MRPL37: variants seen among roughly 807,000 people sequenced by gnomAD.
MRPL37 encodes mitochondrial ribosomal protein L37.
MRPL37 carries 34 observed loss-of-function variants against 44.1 expected under a neutral mutation model. The ratio of observed to expected loss-of-function variants is 0.77; its 90% CI spans 0.59 to 1.03. MRPL37 has a LOEUF of 1.03. Ranked by LOEUF, MRPL37 falls within the 50% of genes least tolerant of loss-of-function variation. The pLI, the probability that MRPL37 is intolerant of heterozygous loss-of-function variation, is 0.00. For missense variants in MRPL37, 532 were observed against 543.7 expected, an observed-to-expected ratio of 0.98 and a Z score of 0.21; for synonymous variants, 212 against 219.5, an observed-to-expected ratio of 0.97 and a Z score of 0.30.
At chr1:54,224,784 T>C (rs1644263389), downstream of MRPL37, among the ~76,000 whole-genome samples, 1 of 152,192 alleles carries the variant, frequency 6.6e-6, no homozygotes, top group African/African-American at 2.4e-5. Context: ...TCAGCATTTC[T>C]TGCCTAAATG....
At chr1:54,213,557 A>G (rs1644178591) in intron 5 of MRPL37, among the ~76,000 whole-genome samples, 1 of 151,694 alleles carries the variant, frequency 6.6e-6, no homozygotes, top group Admixed American at 6.6e-5. Flanking sequence ...TAGGGTTTTT[A>G]TTAAAAAAAA....
rs142672756 is a variant in MRPL37, at chr1:54,200,393, C to T, written c.150C>T (p.Tyr50=). The T allele has an allele frequency of 1.6e-5, 26 of 1,614,178 alleles. No individual in the cohort carries two copies. In the African/African-American group the frequency reaches 3.3e-4, roughly 21 times the overall value. The change falls in exon 1 of 7, where the codon TAC becomes TAT. Residue 50 remains tyrosine, a synonymous_variant. Transcript: ENST00000360840. ...KSEPPPLDRV[Y]EIPGLEPITF... is the part of the protein sequence containing the mutation. ...AGCCTCCTCCCCTGGATAGGGTGTA[C>T]GAGATCCCTGGACTGGAGCCCATCA...
downstream of MRPL37, among the ~76,000 whole-genome samples, chr1:54,222,795 A>T (rs556746635): frequency 3.9e-5 from 6 of 152,316 alleles, no homozygotes; most frequent in African/African-American, 1.4e-4. Flanking sequence ...CTGGATATCA[A>T]ATCAGCATCT....
rs1312583159 is a variant in MRPL37 at position 54,205,379 on chromosome 1, A to C, written c.615A>C (p.Gln205His). Residue 205 changes from glutamine to histidine, a missense_variant, in exon 3 of 7, where the codon CAA becomes CAC. By Grantham distance (24) the Gln-to-His change is conservative. Coordinates refer to ENST00000360840, the MANE Select transcript of MRPL37 (RefSeq NM_016491.4). ...CTCTGGCCAGGAGGATCTGTGTCCA[A>C]AACTCCACGTTTTCTGCTACCTGGA... The part of the protein sequence containing the change: ...HPSLARRICV[Q>H]NSTFSATWNR... 2.5e-6 allele frequency: 4 copies of C among 1,614,106 alleles called. No homozygotes were observed. Among genetic ancestry groups the C allele is most frequent in the Admixed American group, 1.7e-5 (1 of 60,002 alleles).
chr1:54,218,328 T>A lies in MRPL37; in HGVS notation c.*79T>A. The A allele has an allele frequency of 6.2e-7, 1 of 1,608,912 alleles. No homozygotes were observed. ...GGGCCTGGGCCCCGTGGAGCCTCAG[T>A]GCCCGTTTGGCCTGCTGCTCTCGCT... is the stretch of plus-strand genomic sequence containing the variant. On this transcript the variant is annotated 3_prime_UTR_variant, in exon 7 of 7. Coordinates refer to ENST00000360840, the MANE Select transcript of MRPL37 (RefSeq NM_016491.4).
intron 3 of MRPL37, among the ~76,000 whole-genome samples, chr1:54,208,895 G>C (rs1201850152): frequency 6.6e-6 from 1 of 152,128 alleles, no homozygotes; most frequent in Non-Finnish European, 1.5e-5. Context: ...CTAGTAAGTA[G>C]AAGCCAGGAT....
rs769918648 is a variant in MRPL37 at position 54,208,406 on chromosome 1, G to T, written c.647-1540G>T. Among the ~76,000 whole-genome samples, 5 of 151,918 alleles carry T rather than the reference G, an allele frequency of 3.3e-5. No homozygotes were observed. The South Asian group carries it at 8.3e-4, about 25-fold the overall frequency. On this transcript the variant is annotated intron_variant, in intron 3 of 6. Transcript: ENST00000360840. ...AAATACAAAAACAAAAAAATTAGCC[G>T]GGCATGGTGATGGGCACCCATAGTC...
At chr1:54,201,346 T>G (rs1644081283) in intron 1 of MRPL37, among the ~76,000 whole-genome samples, 1 of 152,204 alleles carries the variant, frequency 6.6e-6, no homozygotes, top group African/African-American at 2.4e-5. Context: ...TGAGAAAACT[T>G]AAGTCAATTG....
intron 1 of MRPL37, among the ~76,000 whole-genome samples, chr1:54,202,959 TG>T (rs1390289356): frequency 3.3e-5 from 5 of 152,202 alleles, no homozygotes; most frequent in Non-Finnish European, 1.5e-5. Context: ...AGGACTGGTG[TG>T]TTTACTTGAT....
At chr1:54,212,822 A>T (rs1450615897) in intron 5 of MRPL37, among the ~76,000 whole-genome samples, 164 bp downstream of exon 5, 3 of 152,182 alleles carry the variant, frequency 2.0e-5, no homozygotes, top group Non-Finnish European at 4.4e-5. Context: ...AGCCAACATC[A>T]CTAGGGGGTG....
chr1:54,216,807 C>T (rs1173779400), intron 6 of MRPL37, among the ~76,000 whole-genome samples: 3 of 152,208 alleles, frequency 2.0e-5, no homozygotes, highest in Non-Finnish European at 4.4e-5. Flanking sequence ...CCCTGGCCTC[C>T]GTATTCCCCC....
At position 54,216,296 on chromosome 1, in the gene MRPL37, C is replaced by A. The variant is rs370718805; in HGVS notation, c.1146C>A (p.Leu382=). ...NLAWVDSDQL[L]YQHFWCLPVI... is the part of the protein sequence containing the mutation. ...CCTGGGTGGACTCAGACCAGCTCCT[C>A]TATCAGCATTTTTGGTGTCTCCCAG... The change falls in exon 6 of 7, where the codon CTC becomes CTA. Residue 382 remains leucine, a synonymous_variant. Coordinates refer to ENST00000360840, the MANE Select transcript of MRPL37 (RefSeq NM_016491.4). 35 of 1,614,078 alleles carry A rather than the reference C, an allele frequency of 2.2e-5. No homozygotes were observed. Among genetic ancestry groups the A allele is most frequent in the Non-Finnish European group, 3.0e-5 (35 of 1,180,046 alleles).
chr1:54,202,377 T>C (rs900200551), intron 1 of MRPL37, among the ~76,000 whole-genome samples: 7 of 152,072 alleles, frequency 4.6e-5, no homozygotes, highest in Non-Finnish European at 1.5e-5. Context: ...AAAAGTCTTA[T>C]TGTACTTAGT....
chr1:54,200,282 T>TGGCC lies in MRPL37; in HGVS notation c.42_43insCGGC (p.Ser15ArgfsTer19). 6.2e-7 allele frequency: 1 copy of TGGCC among 1,604,416 alleles called. No homozygotes were observed. Among genetic ancestry groups the TGGCC allele is most frequent in the Non-Finnish European group, 8.5e-7 (1 of 1,176,010 alleles). The stretch of plus-strand genomic sequence containing the variant: ...CCGGGCCCGCAAGGCGGGCGCTAGC[T>TGGCC]GGCTCCGGGCAGCTCGGCCTTGGGG... On this transcript the variant is annotated frameshift_variant, in exon 1 of 7. Coordinates refer to ENST00000360840, the MANE Select transcript of MRPL37 (RefSeq NM_016491.4). LOFTEE classifies it high-confidence loss of function.
chr1:54,203,775 C>T (rs980972172), intron 1 of MRPL37, among the ~76,000 whole-genome samples: 9 of 152,082 alleles, frequency 5.9e-5, no homozygotes, highest in Admixed American at 2.6e-4. Flanking sequence ...CATGCCCGGC[C>T]TAAGGTTCTG....
chr1:54,210,225 T>C (rs1644154551), intron 4 of MRPL37, 94 bp downstream of exon 4: 1 of 1,246,500 alleles, frequency 8.0e-7, no homozygotes, highest in South Asian at 1.4e-5. Flanking sequence ...TGCTAGGTGC[T>C]AGGCACCTCG....
At chr1:54,207,290 A>G (rs1215264395) in intron 3 of MRPL37, 1 of 152,196 alleles carries the variant, frequency 6.6e-6, no homozygotes, top group Non-Finnish European at 1.5e-5. Context: ...AGTGTCTAAC[A>G]GTTCATGGTA....
chr1:54,216,406 C>T (rs1431288937), intron 6 of MRPL37, 62 bp downstream of exon 6: 1 of 1,570,588 alleles, frequency 6.4e-7, no homozygotes, highest in Non-Finnish European at 8.7e-7. Context: ...CTGGTGTGAG[C>T]CTCAGGTGGG....
downstream of MRPL37, among the ~76,000 whole-genome samples, chr1:54,219,782 CACAT>C (rs1644220917): frequency 6.6e-6 from 1 of 152,230 alleles, no homozygotes; most frequent in South Asian, 2.1e-4. Context: ...CATAACAACA[CACAT>C]ATATACATGA....
Sources: allele counts gnomAD v4.1 joint callset (sites outside exome capture counted in the v4.1 genomes callset), GRCh38; gene constraint gnomAD v4.1.1; transcripts MANE v1.5; gene names NCBI Gene and HGNC (gene_info 2026-07-23, HGNC 2026-07-21).